The following ZNF704 variants were observed in gnomAD, a reference collection of about 807,000 sequenced individuals.
The protein encoded by ZNF704 is glucocorticoid induced gene 1.
In ZNF704, 10 loss-of-function variants were observed where a neutral mutation model predicts 44.7. The observed-to-expected ratio is 0.22, with a 90% CI of 0.14 to 0.38. The LOEUF is 0.38. Ranked by LOEUF, ZNF704 falls within the 10% of genes least tolerant of loss-of-function variation. The probability of loss-of-function intolerance (pLI) is 1.00; values close to 1 mark genes in which losing one functional copy is unlikely to be tolerated. For missense variants in ZNF704, 390 were observed against 545.5 expected (o/e 0.71, Z 2.84); for synonymous variants, 211 against 207.6 (o/e 1.02, Z -0.14).
chr8:80,864,616 A>G (rs954791549), intron 1 of ZNF704, among the ~76,000 whole-genome samples: 1 of 152,182 alleles, frequency 6.6e-6, no homozygotes, highest in South Asian at 2.1e-4. Context: ...TCTCCCTAAC[A>G]GTGGGAGCAA....
At chr8:80,646,423 T>A (rs537125246) in intron 7 of ZNF704, among the ~76,000 whole-genome samples, 1 of 149,034 alleles carries the variant, frequency 6.7e-6, no homozygotes, top group East Asian at 2.0e-4. Context: ...GAGCAGTGAG[T>A]CGAGATTGTG....
intron 2 of ZNF704, among the ~76,000 whole-genome samples, chr8:80,790,687 C>T (rs1807689305): frequency 6.6e-6 from 1 of 151,804 alleles, no homozygotes; most frequent in African/African-American, 2.4e-5. Flanking sequence ...GGCAGAGGTC[C>T]CGGGGTGAGA....
At chr8:80,790,692 G>C (rs1013686150) in intron 2 of ZNF704, among the ~76,000 whole-genome samples, 1 of 152,132 alleles carries the variant, frequency 6.6e-6, no homozygotes, top group Non-Finnish European at 1.5e-5. Flanking sequence ...AGGTCCCGGG[G>C]TGAGATGGTG....
In ZNF704 at chr8:80,870,732, C is replaced by T. The variant is rs200570246; in HGVS notation, c.-22+3839G>A. Among the ~76,000 whole-genome samples the T allele has an allele frequency of 3.5e-4, 54 of 152,140 alleles. No homozygotes were observed. The East Asian group carries it at 0.01, about 28-fold the overall frequency. ...CAGGCCCCAGGCTCTCCTCTCTTGG[C>T]CCCCTGCACTCCCTTAAAGCCCCCA... is the stretch of plus-strand genomic sequence containing the variant. On this transcript the variant is annotated intron_variant, in intron 1 of 8. Transcript: ENST00000327835.
intron 2 of ZNF704, among the ~76,000 whole-genome samples, chr8:80,707,880 C>T (rs956290099): frequency 2.0e-5 from 3 of 152,198 alleles, no homozygotes; most frequent in Non-Finnish European, 2.9e-5. Context: ...TATTGCTTTA[C>T]GCAGAATTCC....
At chr8:80,776,281 C>G (rs1251225211) in intron 2 of ZNF704, among the ~76,000 whole-genome samples, 1 of 152,176 alleles carries the variant, frequency 6.6e-6, no homozygotes, top group Non-Finnish European at 1.5e-5. Flanking sequence ...CTCATAAGAA[C>G]TGCTAAATTC....
chr8:80,739,029 T>C (rs977893556), intron 2 of ZNF704, among the ~76,000 whole-genome samples: 2 of 152,180 alleles, frequency 1.3e-5, no homozygotes, highest in Admixed American at 6.5e-5. Flanking sequence ...GTTCATACTT[T>C]ACTGAACAAT....
chr8:80,813,837 C>T (rs1424878476), intron 2 of ZNF704, among the ~76,000 whole-genome samples: 1 of 151,996 alleles, frequency 6.6e-6, no homozygotes, highest in African/African-American at 2.4e-5. Context: ...AGAGATGGTG[C>T]CACTGCACTC....
chr8:80,656,183 A>G (rs868504596), intron 7 of ZNF704, among the ~76,000 whole-genome samples: 23 of 151,564 alleles, frequency 1.5e-4, no homozygotes, highest in Middle Eastern at 3.4e-3. Context: ...CTCTCTCTCG[A>G]TTTCTCTCTC....
chr8:80,641,342 T>G lies in ZNF704; in HGVS notation c.*24A>C. ...CCAGGGCAGGAGCGGCTCAGGGCCC[T>G]GAGCCCCTCTGCCTGGGGGTCTCTC... On this transcript the variant is annotated 3_prime_UTR_variant, in exon 9 of 9. Transcript: ENST00000327835. 7 of 1,438,058 alleles carry G rather than the reference T, an allele frequency of 4.9e-6. No individual in the cohort carries two copies. The highest frequency in any genetic ancestry group is 6.7e-6 in the Non-Finnish European group (7 of 1,047,606). The allele number at this position is 1,438,058 out of a possible 1,614,324, so 89.1% of individuals were successfully genotyped here. A position where few individuals can be genotyped will look rare whatever the true frequency, so the allele number is the denominator to read the frequency against.
chr8:80,684,960 C>A (rs995382616), intron 4 of ZNF704, among the ~76,000 whole-genome samples: 1 of 152,016 alleles, frequency 6.6e-6, no homozygotes, highest in Non-Finnish European at 1.5e-5. Context: ...AAAATCCATG[C>A]ATTAAACATT....
intron 5 of ZNF704, among the ~76,000 whole-genome samples, chr8:80,665,725 T>C (rs1312123873): frequency 6.6e-6 from 1 of 152,084 alleles, no homozygotes; most frequent in African/African-American, 2.4e-5. Flanking sequence ...AAATAGATAT[T>C]TAATATATCA....
intron 2 of ZNF704, among the ~76,000 whole-genome samples, chr8:80,731,089 C>T (rs2131680793): frequency 6.6e-6 from 1 of 152,322 alleles, no homozygotes; most frequent in South Asian, 2.1e-4. Flanking sequence ...ACCAAATTGA[C>T]ATTTGAAGCC....
intron 2 of ZNF704, among the ~76,000 whole-genome samples, chr8:80,787,040 A>G (rs1563553225): frequency 6.6e-6 from 1 of 152,234 alleles, no homozygotes; most frequent in Non-Finnish European, 1.5e-5. Flanking sequence ...GTGTGATTGA[A>G]GCAGAGGTGG....
In ZNF704 at chr8:80,760,908, ATCACCAGATC is replaced by A. The variant is rs551439723; in HGVS notation, c.221+60456_221+60465del. On this transcript the variant is annotated intron_variant, in intron 2 of 8. Coordinates refer to ENST00000327835, the MANE Select transcript of ZNF704 (RefSeq NM_001033723.3). ...GCAGGGAACTGCTGCACACTTTCAA[ATCACCAGATC>A]TCACAAGAACTCATTCACTATCACG... is the stretch of plus-strand genomic sequence containing the variant. Among the ~76,000 whole-genome samples the A allele has an allele frequency of 2.6e-3, 389 of 152,164 alleles. 1 individual carries two copies. Among genetic ancestry groups the A allele is most frequent in the African/African-American group, 9.0e-3 (374 of 41,528 alleles).
chr8:80,774,050 CTT>C (rs113962202), intron 2 of ZNF704, among the ~76,000 whole-genome samples: 7,166 of 142,782 alleles, frequency 0.05, 587 homozygotes, highest in African/African-American at 0.17. Flanking sequence ...TTTAAATCTT[CTT>C]TTTTTTTTTT....
chr8:80,749,168 G>A (rs1278106189), intron 2 of ZNF704, among the ~76,000 whole-genome samples: 1 of 152,070 alleles, frequency 6.6e-6, no homozygotes, highest in Admixed American at 6.6e-5. Context: ...TAGATCAGGA[G>A]CCCTTTATTT....
intron 1 of ZNF704, among the ~76,000 whole-genome samples, chr8:80,834,587 C>CGTGTG (rs1163215774): frequency 3.9e-5 from 6 of 152,188 alleles, no homozygotes; most frequent in African/African-American, 1.4e-4. Context: ...CATAGATATA[C>CGTGTG]GTGTGCCATG....
intron 2 of ZNF704, among the ~76,000 whole-genome samples, chr8:80,705,414 CTGTG>C (rs930996742): frequency 1.3e-5 from 2 of 150,730 alleles, no homozygotes; most frequent in African/African-American, 2.4e-5. Flanking sequence ...GTGTGTCTGT[CTGTG>C]TTTGTGTTCA....
Sources: allele counts gnomAD v4.1 joint callset (sites outside exome capture counted in the v4.1 genomes callset), GRCh38; gene constraint gnomAD v4.1.1; transcripts MANE v1.5; gene names NCBI Gene and HGNC (gene_info 2026-07-23, HGNC 2026-07-21).